SLCO3A1: variants seen among roughly 807,000 people sequenced by gnomAD.
The protein encoded by SLCO3A1 is PGE1 transporter.
Under a neutral mutation model 63.1 loss-of-function variants are expected in SLCO3A1, and 27 were observed. The observed-to-expected ratio is 0.43, with a 90% confidence interval of 0.32 to 0.59. The LOEUF (loss-of-function observed/expected upper bound fraction) is 0.59. Among genes scored for constraint, SLCO3A1 ranks in the 20% least tolerant of loss-of-function variants. The pLI is 0.09. For synonymous variants in SLCO3A1, 473 were observed against 409.9 expected (o/e 1.15, Z -1.86); for missense variants, 773 against 945.8 (o/e 0.82, Z 2.40).
chr15:92,052,445 A>G (rs2046969130), intron 2 of SLCO3A1, among the ~76,000 whole-genome samples: 1 of 152,296 alleles, frequency 6.6e-6, no homozygotes, highest in South Asian at 2.1e-4. Context: ...GGTAAGAACT[A>G]GATAGGACCT....
chr15:92,142,592 A>C (rs570836148), intron 7 of SLCO3A1, among the ~76,000 whole-genome samples: 12 of 152,316 alleles, frequency 7.9e-5, no homozygotes, highest in Admixed American at 1.3e-4. Flanking sequence ...TCTTGGGTCA[A>C]GGGACACCGA....
At chr15:92,101,098 A>G (rs140153153) in intron 3 of SLCO3A1, among the ~76,000 whole-genome samples, 1 of 152,350 alleles carries the variant, frequency 6.6e-6, no homozygotes, top group East Asian at 1.9e-4. Context: ...CCAGCCACAC[A>G]GAGAACTCTC....
At chr15:92,102,579 G>T (rs1200769209) in intron 3 of SLCO3A1, among the ~76,000 whole-genome samples, 1 of 69,504 alleles carries the variant, frequency 1.4e-5, no homozygotes, top group Admixed American at 2.1e-4. Context: ...GCTGGGATTC[G>T]GCCCCCAAGT....
At chr15:91,932,043 T>A (rs900326790) in intron 2 of SLCO3A1, among the ~76,000 whole-genome samples, 1 of 152,136 alleles carries the variant, frequency 6.6e-6, no homozygotes, top group African/African-American at 2.4e-5. Flanking sequence ...GGAAGCTCCA[T>A]TGAGAGAGTG....
intron 2 of SLCO3A1, among the ~76,000 whole-genome samples, chr15:91,992,438 C>T (rs1222379475): frequency 2.6e-5 from 4 of 152,132 alleles, no homozygotes; most frequent in Admixed American, 6.5e-5. Flanking sequence ...CTTTCTTGAC[C>T]CTGACTACAT....
In SLCO3A1 at chr15:91,858,712, T is replaced by C. The variant is rs572097444; in HGVS notation, c.180+4624T>C. ...GCTGCTGGAATCGTGTTTTCTGTTA[T>C]GCTGCATGGGCTGCTTCTTGCACGA... On this transcript the variant is annotated intron_variant, in intron 1 of 9. Transcript: ENST00000318445. 5.3e-5 allele frequency among the ~76,000 whole-genome samples: 8 copies of C among 152,374 alleles called. No individual in the cohort carries two copies. In the South Asian group the frequency reaches 1.4e-3, roughly 28 times the overall value.
intron 9 of SLCO3A1, chr15:92,162,411 A>C (rs2048451077): frequency 4.9e-6 from 1 of 203,636 alleles, no homozygotes; most frequent in South Asian, 1.1e-4. Flanking sequence ...CAGCCTCCCA[A>C]AGTGCTGGAA....
intron 2 of SLCO3A1, among the ~76,000 whole-genome samples, chr15:92,074,419 G>C (rs992691180): frequency 5.3e-5 from 8 of 152,128 alleles, no homozygotes; most frequent in African/African-American, 1.9e-4. Flanking sequence ...TGATCTTCCA[G>C]AAGAATAAAG....
chr15:91,861,440 T>C (rs765252989), intron 1 of SLCO3A1, among the ~76,000 whole-genome samples: 3 of 152,176 alleles, frequency 2.0e-5, no homozygotes, highest in Non-Finnish European at 4.4e-5. Context: ...ACTTAGCAGC[T>C]CGATTGTTTA....
At chr15:92,085,323 CAA>C (rs755440407) in intron 2 of SLCO3A1, among the ~76,000 whole-genome samples, 22 of 152,326 alleles carry the variant, frequency 1.4e-4, no homozygotes, top group Non-Finnish European at 2.8e-4. Context: ...CTTTGAATAG[CAA>C]AGTTTAGTTG....
At chr15:91,972,913 G>A (rs1900934905) in intron 2 of SLCO3A1, among the ~76,000 whole-genome samples, 1 of 152,170 alleles carries the variant, frequency 6.6e-6, no homozygotes, top group Admixed American at 6.5e-5. Context: ...CTGAGGTCAG[G>A]GGTTCGAGAC....
At chr15:92,149,777 A>ATGAT (rs1386128297) in intron 8 of SLCO3A1, 1 of 152,136 alleles carries the variant, frequency 6.6e-6, no homozygotes, top group Non-Finnish European at 1.5e-5. Flanking sequence ...CTAGTGACAT[A>ATGAT]TGATAGCTGA....
intron 2 of SLCO3A1, among the ~76,000 whole-genome samples, chr15:91,997,838 T>A (rs1244705972): frequency 6.6e-6 from 1 of 152,160 alleles, no homozygotes; most frequent in South Asian, 2.1e-4. Flanking sequence ...CCCCTATCTT[T>A]CAACATATAC....
intron 2 of SLCO3A1, among the ~76,000 whole-genome samples, chr15:92,014,447 A>G (rs1044749489): frequency 1.3e-5 from 2 of 152,158 alleles, no homozygotes; most frequent in Non-Finnish European, 2.9e-5. Flanking sequence ...AATTACAGTC[A>G]TAATTTATTG....
chr15:92,156,054 T>C (rs1222917187), intron 9 of SLCO3A1, among the ~76,000 whole-genome samples: 1 of 152,190 alleles, frequency 6.6e-6, no homozygotes, highest in Non-Finnish European at 1.5e-5. Context: ...ATTTGTGAAC[T>C]ACTCTGGAAA....
At chr15:91,964,740 A>G (rs1054145330) in intron 2 of SLCO3A1, among the ~76,000 whole-genome samples, 3 of 149,820 alleles carry the variant, frequency 2.0e-5, no homozygotes, top group Non-Finnish European at 4.4e-5. Context: ...TTAAAATTAG[A>G]TAGTTTTTTT....
chr15:92,052,212 G>T (rs1197435099), intron 2 of SLCO3A1, among the ~76,000 whole-genome samples: 1 of 152,114 alleles, frequency 6.6e-6, no homozygotes, highest in Non-Finnish European at 1.5e-5. Flanking sequence ...GTACTCAGCT[G>T]GGTGTCCATG....
In SLCO3A1 at chr15:91,940,517, T is replaced by G. The variant is rs75141712; in HGVS notation, c.646+24059T>G. On this transcript the variant is annotated intron_variant, in intron 2 of 9. Transcript: ENST00000318445. ...TTCTGTGCTTACAGAAATGAATCAG[T>G]TGGCATAGTGAATTTCAAATCAGTG... is the stretch of plus-strand genomic sequence containing the variant. Among the ~76,000 whole-genome samples the G allele has an allele frequency of 5.7e-3, 862 of 152,348 alleles. 14 individuals are homozygous for G. The highest frequency in any genetic ancestry group is 0.02 in the African/African-American group (819 of 41,588).
At chr15:91,855,026 G>A (rs1567157666) in intron 1 of SLCO3A1, among the ~76,000 whole-genome samples, 1 of 152,140 alleles carries the variant, frequency 6.6e-6, no homozygotes, top group Non-Finnish European at 1.5e-5. Context: ...GTCTAAACGG[G>A]AAATTTTTTT....
Sources: gnomAD v4.1 joint callset for allele counts (sites outside exome capture counted in the v4.1 genomes callset) on GRCh38, gnomAD v4.1.1 for gene constraint, MANE v1.5 for transcripts, NCBI Gene and HGNC (gene_info 2026-07-23, HGNC 2026-07-21) for gene names.